ZDHHC14: variants seen among roughly 807,000 people sequenced by gnomAD.
ZDHHC14 encodes palmitoyltransferase ZDHHC14.
Under a neutral mutation model 47.7 loss-of-function variants are expected in ZDHHC14, and 16 were observed. The ratio of observed to expected loss-of-function variants is 0.34; its 90% CI spans 0.23 to 0.51. The LOEUF is 0.51. Among genes scored for constraint, ZDHHC14 ranks in the 20% least tolerant of loss-of-function variants. The pLI is 0.97. For missense variants in ZDHHC14, 515 were observed against 662.5 expected, an observed-to-expected ratio of 0.78 and a Z score of 2.44; for synonymous variants, 293 against 278.9, an observed-to-expected ratio of 1.05 and a Z score of -0.50.
intron 2 of ZDHHC14, among the ~76,000 whole-genome samples, chr6:157,588,049 G>A (rs1783761210): frequency 6.6e-6 from 1 of 152,204 alleles, no homozygotes; most frequent in African/African-American, 2.4e-5. Flanking sequence ...GAGGTCAGGA[G>A]TTTGAGACCA....
rs201353102 is a variant in ZDHHC14, at chr6:157,461,869, C to CGGA, written c.245+79605_245+79607dup. Among the ~76,000 whole-genome samples the CGGA allele has an allele frequency of 7.5e-4, 114 of 152,260 alleles. 2 individuals are homozygous for CGGA. The East Asian group carries it at 0.02, about 27-fold the overall frequency. ...ATTTATTAGTCATGGAAACTGGCCT[C>CGGA]GGAGCACCGTGCCCCCACTAGAGGC... On this transcript the variant is annotated intron_variant, in intron 1 of 8. Coordinates refer to ENST00000359775, the MANE Select transcript of ZDHHC14 (RefSeq NM_024630.3).
chr6:157,637,530 CA>C (rs2114967880), intron 5 of ZDHHC14, among the ~76,000 whole-genome samples: 1 of 152,282 alleles, frequency 6.6e-6, no homozygotes, highest in East Asian at 1.9e-4. Flanking sequence ...TGATTGATGG[CA>C]GAGCTGCCCA....
At chr6:157,424,871 G>T (rs1778185066) in intron 1 of ZDHHC14, among the ~76,000 whole-genome samples, 1 of 151,304 alleles carries the variant, frequency 6.6e-6, no homozygotes, top group African/African-American at 2.4e-5. Context: ...AGAGTCAGCT[G>T]GGCCCAGCTT....
rs981708754 is a variant in ZDHHC14, at chr6:157,566,410, T to C, written c.406+23665T>C. On this transcript the variant is annotated intron_variant, in intron 2 of 8. Coordinates refer to ENST00000359775, the MANE Select transcript of ZDHHC14 (RefSeq NM_024630.3). ...TTTTTCAGTTCCCCAGAGCACAAAA[T>C]GGCCAAGGAAAAGGACAGAACTGAA... 5.9e-5 allele frequency among the ~76,000 whole-genome samples: 9 copies of C among 152,120 alleles called. No homozygotes were observed. The South Asian group carries it at 1.7e-3, about 28-fold the overall frequency.
chr6:157,424,640 T>C (rs1307903420), intron 1 of ZDHHC14, among the ~76,000 whole-genome samples: 5 of 152,172 alleles, frequency 3.3e-5, no homozygotes, highest in Non-Finnish European at 5.9e-5. Context: ...GTGAAATCTG[T>C]CTGGGGGCCC....
At chr6:157,537,605 C>T (rs1259606742) in intron 1 of ZDHHC14, among the ~76,000 whole-genome samples, 1 of 152,208 alleles carries the variant, frequency 6.6e-6, no homozygotes, top group African/African-American at 2.4e-5. Flanking sequence ...CTGTTTGCTA[C>T]ACTGCCCTGA....
intron 2 of ZDHHC14, among the ~76,000 whole-genome samples, chr6:157,587,321 C>T (rs926544910): frequency 9.2e-5 from 14 of 152,200 alleles, no homozygotes; most frequent in African/African-American, 3.4e-4. Context: ...GATTTCTATC[C>T]AGTGCTCAGG....
chr6:157,541,439 G>C (rs1254805838), intron 1 of ZDHHC14, among the ~76,000 whole-genome samples: 2 of 152,136 alleles, frequency 1.3e-5, no homozygotes, highest in Non-Finnish European at 1.5e-5. Context: ...CCAAGACCAA[G>C]AGCCCTGTCT....
intron 1 of ZDHHC14, among the ~76,000 whole-genome samples, chr6:157,432,836 A>G (rs540427324): frequency 5.9e-5 from 9 of 152,222 alleles, no homozygotes; most frequent in Non-Finnish European, 4.4e-5. Context: ...ACAGCTTTTC[A>G]TGCTTCTGGA....
At position 157,382,041 on chromosome 6, in the gene ZDHHC14, G is replaced by A. The variant is rs1226545584; in HGVS notation, c.20G>A (p.Gly7Glu). The change falls in exon 1 of 9, where the codon GGG becomes GAG. Residue 7 changes from glycine (G) to glutamate (E), a missense_variant. Transcript: ENST00000359775. MPPGGG[G>E]PMKDCEYSQI... Reference sequence around the variant, plus strand: ...TCGTGGATGCCTCCCGGCGGCGGCGGGCCCATGAAAGACTGCGAGTACAGC... The same window carrying A: ...TCGTGGATGCCTCCCGGCGGCGGCGAGCCCATGAAAGACTGCGAGTACAGC... 1.9e-6 allele frequency: 3 copies of A among 1,546,690 alleles called. No homozygotes were observed. The highest frequency in any genetic ancestry group is 5.1e-5 in the East Asian group (2 of 39,116).
rs543374624 is a variant in ZDHHC14 at position 157,469,822 on chromosome 6, A to G, written c.246-72763A>G. On this transcript the variant is annotated intron_variant, in intron 1 of 8. Coordinates refer to ENST00000359775, the MANE Select transcript of ZDHHC14 (RefSeq NM_024630.3). ...CACCAGGTGCCCGGAAGTGGAGCAG[A>G]GCCGGAAAGATTTGGCAAACTGCTC... Among the ~76,000 whole-genome samples, 4 of 152,312 alleles carry G rather than the reference A, an allele frequency of 2.6e-5. No homozygotes were observed. In the South Asian group the frequency reaches 8.3e-4, roughly 32 times the overall value.
intron 3 of ZDHHC14, among the ~76,000 whole-genome samples, chr6:157,596,022 C>T (rs999622882): frequency 6.6e-6 from 1 of 152,094 alleles, no homozygotes; most frequent in African/African-American, 2.4e-5. Flanking sequence ...GGGCCAGCTC[C>T]GTGGGGGACA....
At chr6:157,561,100 G>T (rs1240568373) in intron 2 of ZDHHC14, among the ~76,000 whole-genome samples, 1 of 152,264 alleles carries the variant, frequency 6.6e-6, no homozygotes, top group Non-Finnish European at 1.5e-5. Flanking sequence ...GGTGTTAGCT[G>T]CCCTGTGCAA....
intron 1 of ZDHHC14, among the ~76,000 whole-genome samples, chr6:157,496,281 C>G (rs1359997723): frequency 6.6e-6 from 1 of 152,058 alleles, no homozygotes; most frequent in African/African-American, 2.4e-5. Flanking sequence ...TCTCTAGGGT[C>G]TCTGTGCATA....
At position 157,673,075 on chromosome 6, in the gene ZDHHC14, C is replaced by T; in HGVS notation, c.1420C>T (p.Leu474=). The T allele has an allele frequency of 6.4e-7, 1 of 1,573,014 alleles. No homozygotes were observed. The highest frequency in any genetic ancestry group is 8.6e-7 in the Non-Finnish European group (1 of 1,167,560). The change falls in exon 9 of 9, where the codon CTG becomes TTG. Residue 474 remains leucine, a synonymous_variant. Coordinates refer to ENST00000359775, the MANE Select transcript of ZDHHC14 (RefSeq NM_024630.3). This position sits in a 1 kb window ranked among gnomAD's most constrained non-coding sequence, Gnocchi z 5.4. ...GCTGGGCCTGGCCAGCCAGGACTCCCTGCATGAGGACTCTGTGCGCGGCCT... is the reference window on the plus strand; with the variant it reads ...GCTGGGCCTGGCCAGCCAGGACTCCTTGCATGAGGACTCTGTGCGCGGCCT... ...HVLGLASQDS[L]HEDSVRGLVK... is the part of the protein sequence containing the mutation.
At position 157,381,871 on chromosome 6, in the gene ZDHHC14, C is replaced by G. The variant is rs1349718187; in HGVS notation, c.-151C>G. On this transcript the variant is annotated 5_prime_UTR_variant, in exon 1 of 9. Transcript: ENST00000359775. ...GGAGGGTTAACCTGGGTGTCCTCGGCAAAGTTGTCGCCGAGCCGGGAGCCC... is the reference window on the plus strand; with the variant it reads ...GGAGGGTTAACCTGGGTGTCCTCGGGAAAGTTGTCGCCGAGCCGGGAGCCC... 1.6e-6 allele frequency: 1 copy of G among 629,144 alleles called. No homozygotes were observed. Among genetic ancestry groups the G allele is most frequent in the African/African-American group, 2.0e-5 (1 of 49,530 alleles). The allele number at this position is 629,144 out of a possible 1,614,324, so 39.0% of individuals were successfully genotyped here.
chr6:157,493,908 C>G (rs1313772684), intron 1 of ZDHHC14, among the ~76,000 whole-genome samples: 2 of 152,200 alleles, frequency 1.3e-5, no homozygotes, highest in Non-Finnish European at 2.9e-5. Flanking sequence ...TCAAGCTTGT[C>G]CTCAGCTCTA....
intron 1 of ZDHHC14, among the ~76,000 whole-genome samples, chr6:157,395,815 A>G (rs964840205): frequency 8.6e-5 from 13 of 151,986 alleles, no homozygotes; most frequent in African/African-American, 3.1e-4. Context: ...AAAAATCCCA[A>G]GTTTCTTACT....
At chr6:157,626,977 C>T (rs1233552845) in intron 3 of ZDHHC14, among the ~76,000 whole-genome samples, 10 of 151,862 alleles carry the variant, frequency 6.6e-5, no homozygotes, top group Admixed American at 1.3e-4. Context: ...TGAGTGTCAG[C>T]ATCTTATAGG....
Sources: gnomAD v4.1 joint callset for allele counts (sites outside exome capture counted in the v4.1 genomes callset) on GRCh38, gnomAD v4.1.1 for gene constraint, Gnocchi (gnomAD v3.1) non-coding constraint, MANE v1.5 for transcripts, NCBI Gene and HGNC (gene_info 2026-07-23, HGNC 2026-07-21) for gene names.